TCAIM: variants seen among roughly 807,000 people sequenced by gnomAD.
TCAIM encodes the protein T-cell activation inhibitor, mitochondrial.
A neutral mutation model predicts 58.6 loss-of-function variants in TCAIM; 36 were observed. The ratio of observed to expected loss-of-function variants is 0.61; its 90% CI spans 0.47 to 0.81. The LOEUF (loss-of-function observed/expected upper bound fraction) is 0.81, where lower values mean the gene tolerates loss of function less well. Ranked by LOEUF, TCAIM falls within the 30% of genes least tolerant of loss-of-function variation. TCAIM has a pLI of 0.00. For synonymous variants in TCAIM, 172 were observed against 193.6 expected (o/e 0.89, Z 0.93); for missense variants, 466 against 579.6 (o/e 0.80, Z 2.01).
intron 1 of TCAIM, among the ~76,000 whole-genome samples, chr3:44,348,713 T>C (rs1406340092): frequency 6.6e-6 from 1 of 152,084 alleles, no homozygotes; most frequent in Admixed American, 6.5e-5. Flanking sequence ...GGGAGCAGAT[T>C]GGGTAATAAA....
intron 5 of TCAIM, chr3:44,367,941 T>A: frequency 2.4e-6 from 1 of 409,452 alleles, no homozygotes; most frequent in Non-Finnish European, 4.3e-6. Flanking sequence ...CCAACTGTAT[T>A]TAAAGTTGTG....
intron 6 of TCAIM, among the ~76,000 whole-genome samples, chr3:44,394,951 T>G (rs1476907935): frequency 9.5e-6 from 1 of 105,106 alleles, no homozygotes; most frequent in African/African-American, 3.8e-5. Context: ...TATATATATA[T>G]ATATATATGT....
At chr3:44,375,389 G>C (rs946414451) in intron 5 of TCAIM, among the ~76,000 whole-genome samples, 5 of 152,258 alleles carry the variant, frequency 3.3e-5, no homozygotes, top group African/African-American at 1.2e-4. Context: ...AGAAGAACAA[G>C]CATCATGTGG....
At chr3:44,399,061 G>A (rs978038790) in intron 8 of TCAIM, among the ~76,000 whole-genome samples, 1 of 152,202 alleles carries the variant, frequency 6.6e-6, no homozygotes, top group African/African-American at 2.4e-5. Context: ...TCCCTGTGAT[G>A]GAACTCCTGT....
At position 44,361,447 on chromosome 3, in the gene TCAIM, C is replaced by T; in HGVS notation, c.248C>T (p.Thr83Ile). 1 of 1,613,034 alleles carries T rather than the reference C, an allele frequency of 6.2e-7. No individual in the cohort carries two copies. Among genetic ancestry groups the T allele is most frequent in the Non-Finnish European group, 8.5e-7 (1 of 1,179,546 alleles). Residue 83 changes from threonine to isoleucine, a missense_variant, in exon 4 of 11, where the codon ACT (threonine) becomes ATT (isoleucine). Thr to Ile is a moderately conservative substitution (Grantham distance 89). Coordinates refer to ENST00000342649, the MANE Select transcript of TCAIM (RefSeq NM_173826.4). ...CCAGGCTTCAAGTCTTTGAAACCAA[C>T]TCAGCTTACATTTTATGTAAGAGAA... ...QKPGFKSLKPTQLTFYVRETD... is the reference protein window; with the variant it reads ...QKPGFKSLKPIQLTFYVRETD...
chr3:44,395,958 G>T (rs4130228), intron 6 of TCAIM, among the ~76,000 whole-genome samples: 4 of 152,222 alleles, frequency 2.6e-5, no homozygotes, highest in African/African-American at 9.6e-5. Context: ...CTGCACTCCC[G>T]CCTGGGCGAC....
rs1700785965 is a variant in TCAIM at position 44,338,806 on chromosome 3, A to C, written c.-73A>C. 1 of 152,256 alleles carries C rather than the reference A, an allele frequency of 6.6e-6. No individual in the cohort carries two copies. The allele number at this position is 152,256 out of a possible 1,614,324, so 9.4% of individuals were successfully genotyped here. On this transcript the variant is annotated 5_prime_UTR_variant, in exon 1 of 11. Coordinates refer to ENST00000342649, the MANE Select transcript of TCAIM (RefSeq NM_173826.4). ...GTGGGAGGTGGAACTAGTCGGACAA[A>C]GCCCTCGCGTCGGACCCTTGCCAGA...
chr3:44,390,427 G>C (rs1208804775), intron 5 of TCAIM, among the ~76,000 whole-genome samples: 1 of 152,100 alleles, frequency 6.6e-6, no homozygotes, highest in East Asian at 1.9e-4. Context: ...AGACCAGTTT[G>C]GGCCACATAG....
At chr3:44,370,566 G>T (rs757692174) in intron 5 of TCAIM, among the ~76,000 whole-genome samples, 9 of 151,190 alleles carry the variant, frequency 6.0e-5, no homozygotes, top group Non-Finnish European at 1.0e-4. Flanking sequence ...TATCTTTACA[G>T]AAATTAAAGT....
chr3:44,382,460 G>T lies in TCAIM; in HGVS notation c.573-10395G>T, dbSNP rs369486652. Among the ~76,000 whole-genome samples the T allele has an allele frequency of 3.9e-5, 6 of 152,272 alleles. No individual in the cohort carries two copies. In the East Asian group the frequency reaches 1.2e-3, roughly 29 times the overall value. The stretch of plus-strand genomic sequence containing the variant: ...ACAGCAGTAAATACTTGCATATATG[G>T]TCAACTGATTTTCAACAAGAATGCC... On this transcript the variant is annotated intron_variant, in intron 5 of 10. Coordinates refer to ENST00000342649, the MANE Select transcript of TCAIM (RefSeq NM_173826.4).
At chr3:44,402,840 C>G (rs966370927) in intron 10 of TCAIM, among the ~76,000 whole-genome samples, 3 of 151,948 alleles carry the variant, frequency 2.0e-5, no homozygotes, top group African/African-American at 7.3e-5. Context: ...AGGGAAGTTT[C>G]AAGGAGAAGA....
intron 2 of TCAIM, among the ~76,000 whole-genome samples, chr3:44,356,802 C>T (rs1174609925): frequency 7.5e-6 from 1 of 133,518 alleles, no homozygotes; most frequent in East Asian, 2.2e-4. Flanking sequence ...CCTGTCTCTA[C>T]TAAAAATACA....
chr3:44,381,361 G>A (rs951344927), intron 5 of TCAIM, among the ~76,000 whole-genome samples: 7 of 151,910 alleles, frequency 4.6e-5, no homozygotes, highest in East Asian at 1.9e-4. Context: ...GAAACCCCAC[G>A]TGATCATTTA....
chr3:44,406,231 T>G (rs964363346), intron 10 of TCAIM, among the ~76,000 whole-genome samples: 1 of 152,210 alleles, frequency 6.6e-6, no homozygotes, highest in Non-Finnish European at 1.5e-5. Context: ...TTTAAAGATA[T>G]ATTGTTGGAG....
chr3:44,377,942 A>G (rs907721240), intron 5 of TCAIM, among the ~76,000 whole-genome samples: 1 of 152,218 alleles, frequency 6.6e-6, no homozygotes, highest in Admixed American at 6.5e-5. Flanking sequence ...AAATTGACAA[A>G]TGTTACATAA....
At chr3:44,388,579 C>A (rs1361544166) in intron 5 of TCAIM, among the ~76,000 whole-genome samples, 1 of 151,848 alleles carries the variant, frequency 6.6e-6, no homozygotes, top group Non-Finnish European at 1.5e-5. Context: ...ATTTTTTTTC[C>A]TTTAATTAGC....
upstream of TCAIM, chr3:44,338,501 T>TC (rs988827691): frequency 6.6e-6 from 1 of 152,140 alleles, no homozygotes; most frequent in Non-Finnish European, 1.5e-5. Context: ...CTGCAGCTCG[T>TC]CCCCCTGCCC....
In TCAIM at chr3:44,375,728, A is replaced by G. The variant is rs567462088; in HGVS notation, c.572+8020A>G. Among the ~76,000 whole-genome samples, 4 of 152,314 alleles carry G rather than the reference A, an allele frequency of 2.6e-5. No homozygotes were observed. In the South Asian group the frequency reaches 6.2e-4, roughly 24 times the overall value. On this transcript the variant is annotated intron_variant, in intron 5 of 10. Transcript: ENST00000342649. ...CAAGTGTTGGTGAGCAGGTAGGGAA[A>G]TTGGAACTCTCCTCCATATAAAATG...
chr3:44,406,553 G>A (rs1006006647), intron 10 of TCAIM, among the ~76,000 whole-genome samples: 2 of 152,172 alleles, frequency 1.3e-5, no homozygotes, highest in Non-Finnish European at 2.9e-5. Context: ...TATAGGCCAT[G>A]ATAACTAACT....
Sources: allele counts gnomAD v4.1 joint callset (sites outside exome capture counted in the v4.1 genomes callset), GRCh38; gene constraint gnomAD v4.1.1; transcripts MANE v1.5; gene names NCBI Gene and HGNC (gene_info 2026-07-23, HGNC 2026-07-21).